The following CFAP74 variants were observed in gnomAD, a reference collection of about 807,000 sequenced individuals.
The protein encoded by CFAP74 is cilia and flagella associated protein 74.
In CFAP74, 124 loss-of-function variants were observed where a neutral mutation model predicts 188.9. The ratio of observed to expected loss-of-function variants is 0.66; its 90% CI spans 0.57 to 0.76. The LOEUF is 0.76. Among genes scored for constraint, CFAP74 ranks in the 30% least tolerant of loss-of-function variants. The pLI, the probability that CFAP74 is intolerant of heterozygous loss-of-function variation, is 0.00. For missense variants in CFAP74, 2,198 were observed against 2,165.2 expected, an observed-to-expected ratio of 1.02 and a Z score of -0.30; for synonymous variants, 956 against 916.7, an observed-to-expected ratio of 1.04 and a Z score of -0.77.
In CFAP74 at chr1:1,972,943, A is replaced by T; in HGVS notation, c.779T>A (p.Leu260Gln). The change falls in exon 8 of 39, where the codon CTG becomes CAG. Residue 260 changes from leucine to glutamine, a missense_variant. Coordinates refer to ENST00000682832, the MANE Select transcript of CFAP74 (RefSeq NM_001304360.2). ...CGTCGAAGGGAGGCCCTACCTTCCC[A>T]GGGAGGCCTTCAGGAACCGCACGGC... ...KVAVRFLKAS[L>Q]GRIREQEKKE... is the part of the protein sequence containing the mutation. 2 of 1,612,522 alleles carry T rather than the reference A, an allele frequency of 1.2e-6. No individual in the cohort carries two copies. The highest frequency in any genetic ancestry group is 1.7e-6 in the Non-Finnish European group (2 of 1,178,752).
Position 1,930,270 on chromosome 1 carries a change from G to C in CFAP74, c.3078C>G (p.Ile1026Met). 1 of 1,535,614 alleles carries C rather than the reference G, an allele frequency of 6.5e-7. No individual in the cohort carries two copies. Among genetic ancestry groups the C allele is most frequent in the Non-Finnish European group, 8.7e-7 (1 of 1,146,644 alleles). Reference sequence around the variant, plus strand: ...CGTATAGGGCCGTGGCGGCAAACTTGATCTGGTAGTGGGACAGCTCCAGGG... The same window carrying C: ...CGTATAGGGCCGTGGCGGCAAACTTCATCTGGTAGTGGGACAGCTCCAGGG... ...HPPLELSHYQ[I>M]KFAATALYDT... The change falls in exon 26 of 39, where the codon ATC (isoleucine) becomes ATG (methionine). Residue 1026 changes from isoleucine to methionine, a missense_variant. Physicochemically the swap from Ile to Met is conservative, Grantham distance 10. Coordinates refer to ENST00000682832, the MANE Select transcript of CFAP74 (RefSeq NM_001304360.2).
chr1:1,929,577 C>T (rs982325425), intron 26 of CFAP74, among the ~76,000 whole-genome samples: 1 of 151,770 alleles, frequency 6.6e-6, no homozygotes, highest in South Asian at 2.1e-4. Context: ...CTGTCCCTTA[C>T]ATGCCCTTCC....
intron 33 of CFAP74, among the ~76,000 whole-genome samples, chr1:1,925,227 C>T (rs1279348296): frequency 1.4e-5 from 2 of 144,570 alleles, no homozygotes; most frequent in South Asian, 2.2e-4. Flanking sequence ...TGAGGGCACA[C>T]GCTGGTGTGA....
intron 20 of CFAP74, among the ~76,000 whole-genome samples, chr1:1,945,907 CATGTGT>C (rs1653725914): frequency 7.9e-6 from 1 of 127,040 alleles, no homozygotes; most frequent in South Asian, 2.7e-4. Flanking sequence ...CATGTGTGTG[CATGTGT>C]GTGAGGACTC....
chr1:1,954,967 C>G (rs1173528018), intron 18 of CFAP74: 1 of 1,205,446 alleles, frequency 8.3e-7, no homozygotes, highest in Non-Finnish European at 1.0e-6. Context: ...AAGGACGGAT[C>G]TAGAACCCGA....
chr1:1,983,113 C>A (rs924586773), intron 6 of CFAP74, among the ~76,000 whole-genome samples: 2 of 152,090 alleles, frequency 1.3e-5, no homozygotes, highest in Admixed American at 1.3e-4. Flanking sequence ...CACAGCACCC[C>A]CAGCCTACAC....
Position 2,002,029 on chromosome 1 carries a change from T to C in CFAP74, c.-20+1672A>G, listed in dbSNP as rs79001370. Among the ~76,000 whole-genome samples the C allele has an allele frequency of 7.7e-3, 1,173 of 152,274 alleles. 8 individuals are homozygous for C. Among genetic ancestry groups the C allele is most frequent in the South Asian group, 0.013 (63 of 4,824 alleles). The stretch of plus-strand genomic sequence containing the variant: ...ACGCTGGGGCCCTGATGCAATCAAC[T>C]GGCAAAGCGTGTTTGACAGGCTGAG... On this transcript the variant is annotated intron_variant, in intron 1 of 38. Transcript: ENST00000682832.
intron 1 of CFAP74, among the ~76,000 whole-genome samples, chr1:2,003,094 T>A (rs1352810086): frequency 1.3e-5 from 2 of 152,170 alleles, no homozygotes; most frequent in Non-Finnish European, 2.9e-5. Context: ...CTGATGAGGT[T>A]CTATTTCTTA....
In CFAP74 at chr1:1,926,273, C is replaced by T. The variant is rs1651884877; in HGVS notation, c.3903G>A (p.Gly1301=). ...LNHSSLLRAG[G]TQVLVLSFSP... ...AGAAGGAAAGCACCAGGACCTGGGT[C>T]CCACCTGCACGCAGCAGGCTGGAGT... The change falls in exon 32 of 39, where the codon GGG becomes GGA. Residue 1301 remains glycine, a synonymous_variant. Coordinates refer to ENST00000682832, the MANE Select transcript of CFAP74 (RefSeq NM_001304360.2). The T allele has an allele frequency of 1.3e-6, 2 of 1,538,614 alleles. No individual in the cohort carries two copies. The highest frequency in any genetic ancestry group is 2.0e-5 in the Admixed American group (1 of 49,996).
Position 1,973,031 on chromosome 1 carries a change from G to T in CFAP74, c.691C>A (p.Gln231Lys). Residue 231 changes from glutamine to lysine, a missense_variant, in exon 8 of 39, where the codon CAG becomes AAG. Transcript: ENST00000682832. The surrounding 1 kb of genome is among the most constrained non-coding windows in gnomAD (Gnocchi z 6.2). The stretch of plus-strand genomic sequence containing the variant: ...TGGTGCCTGAGCCCGAGCTCCTTCT[G>T]GGTGTTCAGGGACTTCCTGTGGGGA... Reference protein sequence around the residue: ...LLRIRKSLNTQKELGLRHQKL... With the variant: ...LLRIRKSLNTKKELGLRHQKL... The T allele has an allele frequency of 6.2e-7, 1 of 1,613,706 alleles. No homozygotes were observed. Among genetic ancestry groups the T allele is most frequent in the Non-Finnish European group, 8.5e-7 (1 of 1,179,802 alleles).
At chr1:1,927,493 AG>A in intron 28 of CFAP74, 113 bp downstream of exon 28, 5 of 1,046,090 alleles carry the variant, frequency 4.8e-6, no homozygotes, top group Non-Finnish European at 6.8e-6. Flanking sequence ...CAGTCCTTCC[AG>A]CCACATGGGT....
rs536896737 is a variant in CFAP74, at chr1:1,942,004, C to T, written c.2615+24G>A. The stretch of plus-strand genomic sequence containing the variant: ...CACAACCTCCCACGTCCTCCTGTCC[C>T]GGCCTTGGCGTCCTGGCACCTACCG... On this transcript the variant is annotated intron_variant, in intron 22 of 38. Transcript: ENST00000682832. This position sits in a 1 kb window ranked among gnomAD's most constrained non-coding sequence, Gnocchi z 4.3. 256 of 1,472,796 alleles carry T rather than the reference C, an allele frequency of 1.7e-4. 4 individuals are homozygous for T. In the South Asian group the frequency reaches 2.4e-3, roughly 14 times the overall value. The allele number at this position is 1,472,796 out of a possible 1,614,324, so 91.2% of individuals were successfully genotyped here.
In CFAP74 at chr1:1,944,323, G is replaced by C. The variant is rs1360658950; in HGVS notation, c.2486+8C>G. 2 of 1,534,576 alleles carry C rather than the reference G, an allele frequency of 1.3e-6. No individual in the cohort carries two copies. The highest frequency in any genetic ancestry group is 2.0e-5 in the Admixed American group (1 of 50,984). On this transcript the variant is annotated splice_region_variant and intron_variant, in intron 21 of 38. Transcript: ENST00000682832. ...TCACCCCGTGTGCATGGACAGGAGG[G>C]GGCTCACCGCGTGTGCACGAGCACA...
chr1:1,948,300 T>A (rs28617739), intron 18 of CFAP74, among the ~76,000 whole-genome samples: 8,015 of 151,982 alleles, frequency 0.053, 538 homozygotes, highest in East Asian at 0.17. Flanking sequence ...AGAGACGAGG[T>A]CTCACTCTGT....
chr1:1,979,359 C>A (rs1239271464), intron 6 of CFAP74, among the ~76,000 whole-genome samples: 1 of 112,564 alleles, frequency 8.9e-6, no homozygotes, highest in Non-Finnish European at 1.9e-5. Flanking sequence ...ACAGAACATG[C>A]GTGTGGTACT....
chr1:1,997,050 C>T (rs987178479), intron 1 of CFAP74, among the ~76,000 whole-genome samples: 5 of 151,978 alleles, frequency 3.3e-5, no homozygotes, highest in South Asian at 2.1e-4. Context: ...CCCTTAAGAC[C>T]GAGAACAAAA....
intron 27 of CFAP74, 172 bp from the exon 28 acceptor site, chr1:1,927,918 G>A (rs1652046064): frequency 4.6e-6 from 3 of 647,534 alleles, no homozygotes; most frequent in Non-Finnish European, 7.8e-6. Context: ...GTGCGGAGGG[G>A]CACACAGACC....
intron 28 of CFAP74, chr1:1,927,261 T>C (rs899047246): frequency 3.3e-6 from 2 of 597,850 alleles, no homozygotes; most frequent in African/African-American, 3.7e-5. Flanking sequence ...TTGGGGCAGG[T>C]GCCTTTGGCC....
intron 6 of CFAP74, among the ~76,000 whole-genome samples, chr1:1,982,485 C>T (rs1039716755): frequency 7.9e-5 from 12 of 152,254 alleles, no homozygotes; most frequent in African/African-American, 2.7e-4. Context: ...GGAGCTCCAT[C>T]GGAGCACCCT....
Sources: allele counts gnomAD v4.1 joint callset (sites outside exome capture counted in the v4.1 genomes callset), GRCh38; gene constraint gnomAD v4.1.1; non-coding constraint Gnocchi (gnomAD v3.1); transcripts MANE v1.5; gene names NCBI Gene and HGNC (gene_info 2026-07-23, HGNC 2026-07-21).